GNAQ: variants seen among roughly 807,000 people sequenced by gnomAD.
GNAQ encodes G protein subunit alpha q, also known as guanine nucleotide-binding protein G(q) subunit alpha.
In GNAQ, 8 loss-of-function variants were observed where a neutral mutation model predicts 43.9. The ratio of observed to expected loss-of-function variants is 0.18; its 90% CI spans 0.11 to 0.33. The LOEUF is 0.33. GNAQ is among the 10% of genes least tolerant of loss of function. GNAQ has a pLI of 1.00. For synonymous variants in GNAQ, 155 were observed against 170.7 expected (o/e 0.91, Z 0.71); for missense variants, 158 against 450.8 (o/e 0.35, Z 5.88).
chr9:78,001,109 T>C (rs1041215976), intron 1 of GNAQ, among the ~76,000 whole-genome samples: 1 of 152,022 alleles, frequency 6.6e-6, no homozygotes, highest in Non-Finnish European at 1.5e-5. Flanking sequence ...TGGTAAGAAA[T>C]AGAAAGGCCA....
intron 1 of GNAQ, among the ~76,000 whole-genome samples, chr9:77,928,574 A>G (rs1564154495): frequency 6.6e-6 from 1 of 152,236 alleles, no homozygotes; most frequent in Non-Finnish European, 1.5e-5. Flanking sequence ...AAATCCTCCC[A>G]GAAGAGTCAC....
chr9:77,819,816 G>C (rs1030828845), intron 2 of GNAQ, among the ~76,000 whole-genome samples: 3 of 146,688 alleles, frequency 2.0e-5, no homozygotes, highest in African/African-American at 7.5e-5. Context: ...TTTTGGTTTT[G>C]TTTTCTTCTG....
intron 1 of GNAQ, among the ~76,000 whole-genome samples, chr9:78,007,664 A>G (rs1344151748): frequency 6.6e-6 from 1 of 152,208 alleles, no homozygotes; most frequent in Admixed American, 6.5e-5. Flanking sequence ...TTGAAATTAC[A>G]CAAGCAGTAT....
chr9:77,797,181 C>A (rs930101382), intron 4 of GNAQ, among the ~76,000 whole-genome samples: 1 of 151,920 alleles, frequency 6.6e-6, no homozygotes, highest in Admixed American at 6.6e-5. Flanking sequence ...TACAGGTGCC[C>A]GCCAGCATGC....
intron 5 of GNAQ, among the ~76,000 whole-genome samples, chr9:77,747,122 CAGG>C (rs1187390849): frequency 6.6e-6 from 1 of 152,114 alleles, no homozygotes; most frequent in Non-Finnish European, 1.5e-5. Flanking sequence ...AGTGGAAACA[CAGG>C]AGAGTTTTCA....
At chr9:77,993,586 C>A (rs2118529795) in intron 1 of GNAQ, among the ~76,000 whole-genome samples, 1 of 152,022 alleles carries the variant, frequency 6.6e-6, no homozygotes, top group African/African-American at 2.4e-5. Flanking sequence ...CCTGTAATCC[C>A]AGCTACTCCG....
At chr9:77,931,594 C>CA (rs933238882) in intron 1 of GNAQ, among the ~76,000 whole-genome samples, 136 of 129,706 alleles carry the variant, frequency 1.0e-3, no homozygotes, top group Middle Eastern at 4.1e-3. Context: ...GACTCTGTCT[C>CA]AAAAAAAAAA....
At chr9:77,836,162 G>C (rs1564125640) in intron 2 of GNAQ, among the ~76,000 whole-genome samples, 1 of 151,988 alleles carries the variant, frequency 6.6e-6, no homozygotes, top group Non-Finnish European at 1.5e-5. Flanking sequence ...AGTAAATTAG[G>C]CCTGCAAGCC....
rs1456896520 is a variant in GNAQ at position 78,012,283 on chromosome 9, G to C, written c.136+18817C>G. Reference sequence around the variant, plus strand: ...GACGGAGTCTCACCTTGTCACCCAGGCTGGAGTGCAATGGCACAATCTCAG... The same window carrying C: ...GACGGAGTCTCACCTTGTCACCCAGCCTGGAGTGCAATGGCACAATCTCAG... On this transcript the variant is annotated intron_variant, in intron 1 of 6. Transcript: ENST00000286548. Among the ~76,000 whole-genome samples, 9 of 149,730 alleles carry C rather than the reference G, an allele frequency of 6.0e-5. No homozygotes were observed. In the East Asian group the frequency reaches 1.8e-3, roughly 29 times the overall value.
At chr9:77,812,308 A>G (rs1190030707) in intron 3 of GNAQ, among the ~76,000 whole-genome samples, 2 of 152,216 alleles carry the variant, frequency 1.3e-5, no homozygotes, top group African/African-American at 2.4e-5. Context: ...ACAACTTTAT[A>G]ATGGAGGGTG....
intron 2 of GNAQ, among the ~76,000 whole-genome samples, chr9:77,836,948 G>C (rs1011337815): frequency 6.6e-6 from 1 of 152,144 alleles, no homozygotes; most frequent in Non-Finnish European, 1.5e-5. Context: ...GTAAAGAAAT[G>C]AGTCTTCAGC....
intron 5 of GNAQ, among the ~76,000 whole-genome samples, chr9:77,776,440 C>T (rs1311282355): frequency 6.6e-6 from 1 of 152,148 alleles, no homozygotes; most frequent in African/African-American, 2.4e-5. Context: ...TCAGACAAAA[C>T]AGACTTCAGG....
At chr9:77,892,867 C>T (rs149769717) in intron 2 of GNAQ, among the ~76,000 whole-genome samples, 1 of 152,210 alleles carries the variant, frequency 6.6e-6, no homozygotes, top group East Asian at 1.9e-4. Flanking sequence ...AAACAAGAAG[C>T]TCCTCAAAGT....
At chr9:78,030,887 C>CTGTGTGTG (rs35071779) in intron 1 of GNAQ, among the ~76,000 whole-genome samples, 1,785 of 146,124 alleles carry the variant, frequency 0.012, 27 homozygotes, top group African/African-American at 0.033. Context: ...GTGTGTGTCG[C>CTGTGTGTG]TGTGTGTGTG....
At chr9:77,889,732 T>C (rs1828370830) in intron 2 of GNAQ, among the ~76,000 whole-genome samples, 1 of 152,202 alleles carries the variant, frequency 6.6e-6, no homozygotes, top group African/African-American at 2.4e-5. Flanking sequence ...GCCCACTGTA[T>C]TCAATTAGTA....
Position 77,841,131 on chromosome 9 carries a change from G to T in GNAQ, c.322-25361C>A, listed in dbSNP as rs551714407. Among the ~76,000 whole-genome samples, 3 of 145,000 alleles carry T rather than the reference G, an allele frequency of 2.1e-5. No homozygotes were observed. In the South Asian group the frequency reaches 6.9e-4, roughly 33 times the overall value. On this transcript the variant is annotated intron_variant, in intron 2 of 6. Transcript: ENST00000286548. ...AACCCCAGCCCAACCAAATTGTATT[G>T]AAGCACAGACACACATACAAAGAAT...
At chr9:77,844,284 G>A (rs550509167) in intron 2 of GNAQ, among the ~76,000 whole-genome samples, 3 of 152,204 alleles carry the variant, frequency 2.0e-5, no homozygotes, top group South Asian at 2.1e-4. Flanking sequence ...ACAAGACCAC[G>A]TCAAATTGAA....
intron 5 of GNAQ, among the ~76,000 whole-genome samples, chr9:77,763,137 C>CAAAAA (rs746721052): frequency 7.9e-6 from 1 of 126,426 alleles, no homozygotes; most frequent in African/African-American, 3.2e-5. Context: ...AACAAACAAA[C>CAAAAA]AAACAAAAAA....
chr9:77,975,530 C>CG (rs1247436367), intron 1 of GNAQ, among the ~76,000 whole-genome samples: 1 of 135,992 alleles, frequency 7.4e-6, no homozygotes, highest in Non-Finnish European at 1.5e-5. Flanking sequence ...CTGTTATCAG[C>CG]CCCCCCTTTT....
Sources: allele counts gnomAD v4.1 joint callset (sites outside exome capture counted in the v4.1 genomes callset), GRCh38; gene constraint gnomAD v4.1.1; transcripts MANE v1.5; gene names NCBI Gene and HGNC (gene_info 2026-07-23, HGNC 2026-07-21).